The following PCDHA5 variants were observed in gnomAD, a reference collection of about 807,000 sequenced individuals.
The protein encoded by PCDHA5 is protocadherin alpha 5, also known as protocadherin alpha-5.
A neutral mutation model predicts 61.6 loss-of-function variants in PCDHA5; 43 were observed. That is an observed-to-expected ratio of 0.70 (90% confidence interval 0.55 to 0.90). PCDHA5 has a LOEUF of 0.90. PCDHA5 is among the 40% of genes least tolerant of loss of function. The probability of loss-of-function intolerance (pLI) is 0.00; values close to 1 mark genes in which losing one functional copy is unlikely to be tolerated. For missense variants in PCDHA5, 1,298 were observed against 1,222.7 expected (o/e 1.06, Z -0.92); for synonymous variants, 627 against 543.9 (o/e 1.15, Z -2.13).
intron 1 of PCDHA5, among the ~76,000 whole-genome samples, chr5:140,840,646 T>C (rs2150308439): frequency 9.2e-5 from 14 of 151,994 alleles, no homozygotes; most frequent in African/African-American, 3.4e-4. Context: ...AGAGAAATAG[T>C]GTAAAGAATA....
chr5:140,979,999 C>G (rs1563478157), intron 2 of PCDHA5, among the ~76,000 whole-genome samples: 1 of 152,172 alleles, frequency 6.6e-6, no homozygotes, highest in African/African-American at 2.4e-5. Context: ...TTAACATACT[C>G]TCAAGCATTA....
At chr5:140,968,464 C>T (rs1554230763) in intron 1 of PCDHA5, 4 of 1,613,996 alleles carry the variant, frequency 2.5e-6, no homozygotes, top group Admixed American at 1.7e-5. Flanking sequence ...TGACTGCCAA[C>T]GTATATGTGG....
In PCDHA5 at chr5:140,823,111, G is replaced by A. The variant is rs1554129147; in HGVS notation, c.1336G>A (p.Asp446Asn). Reference protein sequence around the residue: ...ATASVSVEVADVNDNAPAFAQ... With the variant: ...ATASVSVEVANVNDNAPAFAQ... Reference sequence around the variant, plus strand: ...CGCCAGCGTGTCTGTGGAAGTGGCCGACGTGAACGACAACGCTCCGGCGTT... The same window carrying A: ...CGCCAGCGTGTCTGTGGAAGTGGCCAACGTGAACGACAACGCTCCGGCGTT... Residue 446 changes from aspartate to asparagine, a missense_variant, in exon 1 of 4, where the codon GAC becomes AAC. Physicochemically the swap from Asp to Asn is conservative, Grantham distance 23. Transcript: ENST00000529859. The A allele has an allele frequency of 1.9e-6, 3 of 1,614,060 alleles. No homozygotes were observed. Among genetic ancestry groups the A allele is most frequent in the Non-Finnish European group, 2.5e-6 (3 of 1,179,990 alleles).
At chr5:140,931,460 G>GA (rs3836748) in intron 1 of PCDHA5, among the ~76,000 whole-genome samples, 48,962 of 151,596 alleles carry the variant, frequency 0.32, 8,170 homozygotes, top group East Asian at 0.53. Flanking sequence ...AAAAATATAG[G>GA]AATGACAGAG....
chr5:140,854,193 C>T (rs989719684), intron 1 of PCDHA5: 2 of 563,742 alleles, frequency 3.5e-6, no homozygotes, highest in African/African-American at 2.1e-5. Flanking sequence ...TTTAACTACT[C>T]CCTACTTTTT....
intron 1 of PCDHA5, among the ~76,000 whole-genome samples, chr5:140,947,906 A>G (rs2153681662): frequency 6.6e-6 from 1 of 151,710 alleles, no homozygotes; most frequent in South Asian, 2.1e-4. Flanking sequence ...GTGAGAGCAG[A>G]CATTCTTGCC....
chr5:140,997,357 A>G (rs1309712075), intron 3 of PCDHA5, among the ~76,000 whole-genome samples: 1 of 152,218 alleles, frequency 6.6e-6, no homozygotes, highest in Non-Finnish European at 1.5e-5. Flanking sequence ...ATGTACTTAC[A>G]TAAACCTAGA....
chr5:141,000,603 T>C (rs1237883625), intron 3 of PCDHA5, among the ~76,000 whole-genome samples: 1 of 150,986 alleles, frequency 6.6e-6, no homozygotes, highest in Admixed American at 6.6e-5. Flanking sequence ...AATTTTTGTA[T>C]TTTTAGTAGA....
At chr5:140,836,568 G>A (rs2150264277) in intron 1 of PCDHA5, 2 of 1,613,778 alleles carry the variant, frequency 1.2e-6, no homozygotes, top group Non-Finnish European at 1.7e-6. Context: ...GCCGTCCTCT[G>A]AGGGCGCATG....
At position 140,875,743 on chromosome 5, in the gene PCDHA5, G is replaced by T. The variant is rs782705899; in HGVS notation, c.2352+51616G>T. ...CATTTTGTTTGTGAATTCTCGGATCGACCGCGAGAAGCTGTGCGGGCGGAG... is the reference window on the plus strand; with the variant it reads ...CATTTTGTTTGTGAATTCTCGGATCTACCGCGAGAAGCTGTGCGGGCGGAG... On this transcript the variant is annotated intron_variant, in intron 1 of 3. Coordinates refer to ENST00000529859, the MANE Select transcript of PCDHA5 (RefSeq NM_018908.3). 1.8e-5 allele frequency: 29 copies of T among 1,614,226 alleles called. No individual in the cohort carries two copies. The highest frequency in any genetic ancestry group is 2.2e-5 in the Non-Finnish European group (26 of 1,180,038).
chr5:140,862,497 A>G (rs1337501785), intron 1 of PCDHA5: 1 of 394,588 alleles, frequency 2.5e-6, no homozygotes, highest in Non-Finnish European at 5.1e-6. Flanking sequence ...ATCGCTCGGA[A>G]TGGGGACTCG....
At chr5:140,958,946 ATAT>A (rs34256413) in intron 1 of PCDHA5, among the ~76,000 whole-genome samples, 85,222 of 151,486 alleles carry the variant, frequency 0.56, 24,557 homozygotes, top group African/African-American at 0.69. Flanking sequence ...TAATAATATT[ATAT>A]TATTATAATT....
At chr5:140,944,629 A>G (rs1371756120) in intron 1 of PCDHA5, among the ~76,000 whole-genome samples, 3 of 152,172 alleles carry the variant, frequency 2.0e-5, no homozygotes, top group African/African-American at 7.2e-5. Context: ...ATAGTGTTGT[A>G]AGCCAGTGTG....
intron 1 of PCDHA5, among the ~76,000 whole-genome samples, chr5:140,896,511 C>T (rs1344026446): frequency 6.6e-6 from 1 of 151,744 alleles, no homozygotes; most frequent in Non-Finnish European, 1.5e-5. Context: ...TGTGCAGGCA[C>T]ACACCACAAA....
chr5:140,836,540 G>C (rs2150263388), intron 1 of PCDHA5: 5 of 1,613,664 alleles, frequency 3.1e-6, no homozygotes, highest in African/African-American at 1.3e-5. Flanking sequence ...TGCTGTACAC[G>C]GCGTTGCGGT....
At chr5:140,871,789 AAAT>A (rs2053309848) in intron 1 of PCDHA5, among the ~76,000 whole-genome samples, 1 of 152,254 alleles carries the variant, frequency 6.6e-6, no homozygotes, top group Non-Finnish European at 1.5e-5. Context: ...ACTTGAGTAG[AAAT>A]AATTACTATT....
chr5:140,925,455 T>TTG, intron 1 of PCDHA5, among the ~76,000 whole-genome samples: 1 of 152,222 alleles, frequency 6.6e-6, no homozygotes, highest in East Asian at 1.9e-4. Flanking sequence ...GGTGTATCTG[T>TTG]TGTGGCTCAG....
chr5:140,955,049 G>T (rs2095130069), intron 1 of PCDHA5, among the ~76,000 whole-genome samples: 1 of 152,130 alleles, frequency 6.6e-6, no homozygotes, highest in Admixed American at 6.6e-5. Context: ...CTCATTGCTT[G>T]TTTTTGTCAG....
intron 1 of PCDHA5, chr5:140,926,951 G>A: frequency 3.8e-6 from 6 of 1,596,266 alleles, no homozygotes; most frequent in South Asian, 1.1e-5. Context: ...GCTGCAGCGG[G>A]ACAGCTCGAG....
Sources: gnomAD v4.1 joint callset for allele counts (sites outside exome capture counted in the v4.1 genomes callset) on GRCh38, gnomAD v4.1.1 for gene constraint, MANE v1.5 for transcripts, NCBI Gene and HGNC (gene_info 2026-07-23, HGNC 2026-07-21) for gene names.